Variants in RARB observed in about 807,000 individuals in gnomAD.
RARB encodes the protein retinoic acid receptor beta, also known as HBV-activated protein.
In RARB, 17 loss-of-function variants were observed where a neutral mutation model predicts 51.9. The observed-to-expected ratio is 0.33, with a 90% CI of 0.22 to 0.49. The LOEUF is 0.49. RARB is among the 20% of genes least tolerant of loss of function. RARB has a pLI of 0.99. For missense variants in RARB, 369 were observed against 550.8 expected, an observed-to-expected ratio of 0.67 and a Z score of 3.30; for synonymous variants, 215 against 195.4, an observed-to-expected ratio of 1.10 and a Z score of -0.84.
intron 5 of RARB, among the ~76,000 whole-genome samples, chr3:25,210,529 C>CTTTTT (rs773846113): frequency 3.6e-5 from 1 of 27,632 alleles, no homozygotes; most frequent in Non-Finnish European, 8.7e-5. Context: ...TTATCTGATT[C>CTTTTT]TTTTTTTTTT....
chr3:25,321,057 C>T (rs1180770648), intron 5 of RARB, among the ~76,000 whole-genome samples: 1 of 152,084 alleles, frequency 6.6e-6, no homozygotes, highest in Non-Finnish European at 1.5e-5. Flanking sequence ...ACTTTTTTTC[C>T]AAGTGGTATA....
At chr3:25,284,104 T>C (rs1703592374) in intron 5 of RARB, among the ~76,000 whole-genome samples, 1 of 152,220 alleles carries the variant, frequency 6.6e-6, no homozygotes, top group South Asian at 2.1e-4. Flanking sequence ...TAAACTGCCA[T>C]GCTGGAGAAG....
intron 2 of RARB, among the ~76,000 whole-genome samples, chr3:25,038,433 A>G (rs990072225): frequency 5.9e-5 from 9 of 152,326 alleles, no homozygotes; most frequent in African/African-American, 2.2e-4. Flanking sequence ...TTAAGAAAAT[A>G]GAATATCTAT....
chr3:25,501,398 G>T (rs879230569), intron 3 of RARB, 75 bp downstream of exon 3: 2 of 1,548,148 alleles, frequency 1.3e-6, no homozygotes, highest in Non-Finnish European at 8.7e-7. Flanking sequence ...CAGTCATGTG[G>T]AATTCACACA....
chr3:24,983,596 G>A (rs9857441), intron 2 of RARB, among the ~76,000 whole-genome samples: 131,832 of 152,052 alleles, frequency 0.87, 57,250 homozygotes, highest in South Asian at 0.93. Flanking sequence ...ATGGGTTCTC[G>A]TTGTTCAACC....
chr3:25,321,792 G>T (rs1412877802), intron 5 of RARB, among the ~76,000 whole-genome samples: 6 of 151,830 alleles, frequency 4.0e-5, no homozygotes, highest in African/African-American at 1.5e-4. Flanking sequence ...TTGCTCTTTG[G>T]TAGAAAGCTC....
intron 1 of RARB, among the ~76,000 whole-genome samples, chr3:25,442,174 T>C (rs1283492095): frequency 1.3e-5 from 2 of 149,902 alleles, no homozygotes; most frequent in African/African-American, 2.5e-5. Flanking sequence ...CTCACTCTGT[T>C]GCCTAGGCTG....
At chr3:25,136,617 A>G (rs559152574) in intron 4 of RARB, among the ~76,000 whole-genome samples, 1 of 152,216 alleles carries the variant, frequency 6.6e-6, no homozygotes, top group East Asian at 1.9e-4. Context: ...AAATCACAAT[A>G]AAAGAACCAG....
At chr3:25,082,654 C>T (rs551306123) in intron 3 of RARB, among the ~76,000 whole-genome samples, 272 of 152,040 alleles carry the variant, frequency 1.8e-3, no homozygotes, top group African/African-American at 6.4e-3. Flanking sequence ...TTGCTTTAAG[C>T]GATCACTTCT....
chr3:25,192,063 T>A (rs1701117190), intron 5 of RARB, among the ~76,000 whole-genome samples: 1 of 152,128 alleles, frequency 6.6e-6, no homozygotes, highest in African/African-American at 2.4e-5. Flanking sequence ...GAGTTTTGAA[T>A]GTTCAAAATC....
intron 5 of RARB, among the ~76,000 whole-genome samples, chr3:25,197,249 G>A (rs1433191195): frequency 6.6e-6 from 1 of 152,114 alleles, no homozygotes; most frequent in Non-Finnish European, 1.5e-5. Flanking sequence ...TGTATAAGGT[G>A]TAAGGAAGGG....
chr3:25,109,414 A>G (rs1300126002), intron 3 of RARB, among the ~76,000 whole-genome samples: 1 of 152,066 alleles, frequency 6.6e-6, no homozygotes, highest in Non-Finnish European at 1.5e-5. Context: ...ATCTGGGGGG[A>G]TCAAATCAAA....
At chr3:25,463,631 C>G (rs965431227) in intron 2 of RARB, among the ~76,000 whole-genome samples, 1 of 151,518 alleles carries the variant, frequency 6.6e-6, no homozygotes, top group Non-Finnish European at 1.5e-5. Context: ...CCACTGGACT[C>G]CAGCCTGACG....
At chr3:24,904,492 C>G (rs1694806082) in intron 2 of RARB, among the ~76,000 whole-genome samples, 2 of 152,032 alleles carry the variant, frequency 1.3e-5, no homozygotes, top group African/African-American at 4.8e-5. Flanking sequence ...GAATGGCGAT[C>G]ATTAAAAAGT....
intron 5 of RARB, among the ~76,000 whole-genome samples, chr3:25,180,432 G>A (rs761535994): frequency 6.6e-6 from 1 of 152,150 alleles, no homozygotes; most frequent in Non-Finnish European, 1.5e-5. Flanking sequence ...TAGAAAATGA[G>A]ACTTTCCATA....
At chr3:25,148,260 C>A (rs1290443580) in intron 4 of RARB, among the ~76,000 whole-genome samples, 1 of 115,040 alleles carries the variant, frequency 8.7e-6, no homozygotes, top group Non-Finnish European at 2.0e-5. Context: ...AGAAACACAC[C>A]GTTCAATTCA....
At chr3:25,051,493 A>C (rs1698331291) in intron 2 of RARB, among the ~76,000 whole-genome samples, 1 of 152,184 alleles carries the variant, frequency 6.6e-6, no homozygotes, top group African/African-American at 2.4e-5. Context: ...GAGGAGAATA[A>C]GATTATTTGC....
chr3:25,536,147 A>G (rs1699133040), intron 3 of RARB, among the ~76,000 whole-genome samples: 1 of 152,212 alleles, frequency 6.6e-6, no homozygotes, highest in Non-Finnish European at 1.5e-5. Flanking sequence ...CATATTCAGT[A>G]GAACCCAACT....
At chr3:25,407,847 G>A (rs1575378938) in intron 5 of RARB, among the ~76,000 whole-genome samples, 1 of 151,608 alleles carries the variant, frequency 6.6e-6, no homozygotes, top group South Asian at 2.1e-4. Context: ...CCCTAAACAA[G>A]AAGATGGGAA....
Sources: gnomAD v4.1 joint callset for allele counts (sites outside exome capture counted in the v4.1 genomes callset) on GRCh38, gnomAD v4.1.1 for gene constraint, MANE v1.5 for transcripts, NCBI Gene and HGNC (gene_info 2026-07-23, HGNC 2026-07-21) for gene names.